Variants in ARHGEF19 observed in about 807,000 individuals in gnomAD.
ARHGEF19 encodes Rho guanine nucleotide exchange factor 19, also known as Rho guanine nucleotide exchange factor (GEF) 19.
A neutral mutation model predicts 87.6 loss-of-function variants in ARHGEF19; 92 were observed. The ratio of observed to expected loss-of-function variants is 1.05; its 90% CI spans 0.89 to 1.25. The LOEUF (loss-of-function observed/expected upper bound fraction) is 1.25, where lower values mean the gene tolerates loss of function less well. ARHGEF19 is among the 50% of genes most tolerant of loss of function. The pLI is 0.00. For synonymous variants in ARHGEF19, 438 were observed against 446.2 expected (o/e 0.98, Z 0.23); for missense variants, 1,054 against 1,051.8 (o/e 1.00, Z -0.03).
At position 16,208,315 on chromosome 1, in the gene ARHGEF19, G is replaced by C. The variant is rs985288908; in HGVS notation, c.413-90C>G. ...GCCCCTGGCCCTGAGCACCTGGGGA[G>C]GTTCAGGCACCATGCCCAAGGGAAG... On this transcript the variant is annotated intron_variant, in intron 2 of 15. Transcript: ENST00000270747. The C allele has an allele frequency of 1.6e-4, 226 of 1,449,822 alleles. 1 individual carries two copies. Among genetic ancestry groups the C allele is most frequent in the Admixed American group, 2.0e-4 (9 of 45,340 alleles). The allele number at this position is 1,449,822 out of a possible 1,614,324, so 89.8% of individuals were successfully genotyped here.
rs752174946 is a variant in ARHGEF19, at chr1:16,208,212, C to G, written c.426G>C (p.Arg142=). 6.8e-6 allele frequency: 11 copies of G among 1,612,482 alleles called. No homozygotes were observed. The highest frequency in any genetic ancestry group is 8.5e-6 in the Non-Finnish European group (10 of 1,179,266). The stretch of plus-strand genomic sequence containing the variant: ...CGGGGACCTCTTCACGCTGGTACAC[C>G]CGCATCTTGCGCCCTAGGGTTGGGG... ...SEKKSAWRKM[R]VYQREEVPGC... Residue 142 remains arginine, a synonymous_variant, in exon 3 of 16, where the codon CGG becomes CGC. Coordinates refer to ENST00000270747, the MANE Select transcript of ARHGEF19 (RefSeq NM_153213.5).
rs2081118160 is a variant in ARHGEF19 at position 16,205,308 on chromosome 1, G to GT, written c.1656+42_1656+43insA. ...TTTAGAGACGTGCTGGGGGTCCAGG[G>GT]GGGGCCTCAGGAGCCAAGCAGCCCC... On this transcript the variant is annotated intron_variant, in intron 10 of 15. Coordinates refer to ENST00000270747, the MANE Select transcript of ARHGEF19 (RefSeq NM_153213.5). The surrounding 1 kb of genome is among the most constrained non-coding windows in gnomAD (Gnocchi z 5.8). 6.2e-7 allele frequency: 1 copy of GT among 1,612,700 alleles called. No homozygotes were observed. The highest frequency in any genetic ancestry group is 2.2e-5 in the East Asian group (1 of 44,874).
chr1:16,205,898 C>A lies in ARHGEF19; in HGVS notation c.1451+33G>T. 1.9e-6 allele frequency: 3 copies of A among 1,577,918 alleles called. No homozygotes were observed. Among genetic ancestry groups the A allele is most frequent in the Non-Finnish European group, 2.6e-6 (3 of 1,161,642 alleles). On this transcript the variant is annotated intron_variant, in intron 8 of 15. Coordinates refer to ENST00000270747, the MANE Select transcript of ARHGEF19 (RefSeq NM_153213.5). The surrounding 1 kb of genome is among the most constrained non-coding windows in gnomAD (Gnocchi z 5.8). ...CTACACCTGCCTGAGACTCCCTCCA[C>A]GCCCCCGCCCCTTTCAGAGCCCCCA... is the stretch of plus-strand genomic sequence containing the variant.
Position 16,198,642 on chromosome 1 carries a change from C to A in ARHGEF19, c.2354G>T (p.Arg785Leu), listed in dbSNP as rs937107285. 6.2e-7 allele frequency: 1 copy of A among 1,613,740 alleles called. No homozygotes were observed. The highest frequency in any genetic ancestry group is 1.3e-5 in the African/African-American group (1 of 75,024). Residue 785 changes from arginine to leucine, a missense_variant, in exon 16 of 16, where the codon CGG (arginine) becomes CTG (leucine). Arg to Leu is a moderately radical substitution (Grantham distance 102). Coordinates refer to ENST00000270747, the MANE Select transcript of ARHGEF19 (RefSeq NM_153213.5). The surrounding 1 kb of genome is among the most constrained non-coding windows in gnomAD (Gnocchi z 4.1). ...SSLSARLRNL[R>L]ENKRVTSATS... ...GGCACTTGTGACTCGCTTATTCTCC[C>A]GGAGGTTTCGGAGGCGGGCGCTGAG... is the stretch of plus-strand genomic sequence containing the variant.
chr1:16,200,807 A>G (rs1331771109), intron 14 of ARHGEF19, among the ~76,000 whole-genome samples: 1 of 151,470 alleles, frequency 6.6e-6, no homozygotes, highest in Non-Finnish European at 1.5e-5. Flanking sequence ...AGGCTAAGGC[A>G]TAAGAATCAC....
chr1:16,205,483 C>G lies in ARHGEF19; in HGVS notation c.1581+55G>C. On this transcript the variant is annotated intron_variant, in intron 9 of 15. Transcript: ENST00000270747. This position sits in a 1 kb window ranked among gnomAD's most constrained non-coding sequence, Gnocchi z 5.8. ...CTCATACTCCCGAGACCCGGCCCGC[C>G]CACAGGTGTATCTCCCTCGCCCAGC... 1 of 1,612,902 alleles carries G rather than the reference C, an allele frequency of 6.2e-7. No homozygotes were observed. The highest frequency in any genetic ancestry group is 8.5e-7 in the Non-Finnish European group (1 of 1,179,638).
chr1:16,205,340 G>A lies in ARHGEF19; in HGVS notation c.1656+11C>T. On this transcript the variant is annotated intron_variant, in intron 10 of 15. Coordinates refer to ENST00000270747, the MANE Select transcript of ARHGEF19 (RefSeq NM_153213.5). This position sits in a 1 kb window ranked among gnomAD's most constrained non-coding sequence, Gnocchi z 5.8. ...TCAGGAGCCAAGCAGCCCCTGCCCT[G>A]CCCAGCTCACCTCCTTGAGCGCATT... The A allele has an allele frequency of 6.2e-7, 1 of 1,613,890 alleles. No homozygotes were observed. The highest frequency in any genetic ancestry group is 1.1e-5 in the South Asian group (1 of 91,074).
At position 16,207,614 on chromosome 1, in the gene ARHGEF19, C is replaced by T; in HGVS notation, c.798-16G>A. On this transcript the variant is annotated splice_polypyrimidine_tract_variant and intron_variant, in intron 4 of 15. Transcript: ENST00000270747. The surrounding 1 kb of genome is among the most constrained non-coding windows in gnomAD (Gnocchi z 4.0). ...TGTGTCTAGCCTAGGAAAGAGAGAG[C>T]GTCACGGCCCTAGTTCGCCTGCACC... 3 of 1,613,966 alleles carry T rather than the reference C, an allele frequency of 1.9e-6. No individual in the cohort carries two copies. Among genetic ancestry groups the T allele is most frequent in the Non-Finnish European group, 2.5e-6 (3 of 1,179,980 alleles).
Position 16,207,082 on chromosome 1 carries a change from G to C in ARHGEF19, c.1003C>G (p.Leu335Val). ...EEGPGPPRAN[L>V]SPSSSFRAQR... ...GCCCGGAAGGAGCTGCTGGGGGAGA[G>C]GTTGGCCCGCGGCGGCCCCGGCCCC... Residue 335 changes from leucine (L) to valine (V), a missense_variant, in exon 6 of 16, where the codon CTC (leucine) becomes GTC (valine). Transcript: ENST00000270747. This position sits in a 1 kb window ranked among gnomAD's most constrained non-coding sequence, Gnocchi z 4.0. 1.3e-6 allele frequency: 2 copies of C among 1,509,100 alleles called. No homozygotes were observed. The highest frequency in any genetic ancestry group is 2.5e-5 in the South Asian group (2 of 80,000). The allele number at this position is 1,509,100 out of a possible 1,614,324, so 93.5% of individuals were successfully genotyped here.
At position 16,207,765 on chromosome 1, in the gene ARHGEF19, C is replaced by G. The variant is rs1247751479; in HGVS notation, c.707G>C (p.Gly236Ala). Residue 236 changes from glycine to alanine, a missense_variant, in exon 4 of 16, where the codon GGA becomes GCA. Gly to Ala is a moderately conservative substitution (Grantham distance 60). Coordinates refer to ENST00000270747, the MANE Select transcript of ARHGEF19 (RefSeq NM_153213.5). This position sits in a 1 kb window ranked among gnomAD's most constrained non-coding sequence, Gnocchi z 4.0. ...TGAAREGKAS[G>A]MEARSVEMSG... ...CATCTCTACACTTCGAGCCTCCATT[C>G]CAGATGCTTTCCCTGGAGAGGGCGA... is the stretch of plus-strand genomic sequence containing the variant. 6.2e-7 allele frequency: 1 copy of G among 1,613,898 alleles called. No homozygotes were observed. The highest frequency in any genetic ancestry group is 8.5e-7 in the Non-Finnish European group (1 of 1,180,044).
chr1:16,199,169 C>T lies in ARHGEF19; in HGVS notation c.2232G>A (p.Val744=). The T allele has an allele frequency of 6.2e-7, 1 of 1,614,066 alleles. No homozygotes were observed. Among genetic ancestry groups the T allele is most frequent in the South Asian group, 1.1e-5 (1 of 91,078 alleles). ...CCTCACCGTCACTGGTCCAGGTCCT[C>T]ACTGACAGGATGTCAGTCTTCTCCA... The part of the protein sequence containing the change: ...LTLEKTDILS[V]RTWTSDGWLE... The change falls in exon 15 of 16, where the codon GTG becomes GTA. Residue 744 remains valine, a synonymous_variant. Coordinates refer to ENST00000270747, the MANE Select transcript of ARHGEF19 (RefSeq NM_153213.5).
rs746547420 is a variant in ARHGEF19, at chr1:16,208,258, CT to C, written c.413-34del. The C allele has an allele frequency of 1.9e-6, 3 of 1,597,694 alleles. No individual in the cohort carries two copies. The Admixed American group carries it at 5.0e-5, about 27-fold the overall frequency. ...TGGGGGCAAGGAGTGAGAGCACGGG[CT>C]GGGGTCTCCCCCAACCTCCTCCCTG... On this transcript the variant is annotated intron_variant, in intron 2 of 15. Transcript: ENST00000270747.
At position 16,207,127 on chromosome 1, in the gene ARHGEF19, C is replaced by T. The variant is rs948621558; in HGVS notation, c.958G>A (p.Glu320Lys). Residue 320 changes from glutamate to lysine, a missense_variant, in exon 6 of 16, where the codon GAG (glutamate) becomes AAG (lysine). Glu to Lys is a moderately conservative substitution (Grantham distance 56). Transcript: ENST00000270747. This position sits in a 1 kb window ranked among gnomAD's most constrained non-coding sequence, Gnocchi z 4.0. ...GGCCCCTCCTCTGCGCCCTCGGCCT[C>T]GTCCCCCGGGCCCTCCTCCTCGCGC... is the stretch of plus-strand genomic sequence containing the variant. ...QQREEEGPGDEAEGAEEGPGP... is the reference protein window; with the variant it reads ...QQREEEGPGDKAEGAEEGPGP... 13 of 1,521,052 alleles carry T rather than the reference C, an allele frequency of 8.5e-6. No homozygotes were observed. The South Asian group carries it at 1.1e-4, about 13-fold the overall frequency. 94.2% of individuals were successfully genotyped at this position (1,521,052 alleles called of 1,614,324 possible).
Position 16,207,792 on chromosome 1 carries a change from A to C in ARHGEF19, c.695-15T>G. ...AGATGCTTTCCCTGGAGAGGGCGAGAACTGAGGGTGGGGGGTCCAGAGAGT... is the reference window on the plus strand; with the variant it reads ...AGATGCTTTCCCTGGAGAGGGCGAGCACTGAGGGTGGGGGGTCCAGAGAGT... On this transcript the variant is annotated splice_polypyrimidine_tract_variant and intron_variant, in intron 3 of 15. Coordinates refer to ENST00000270747, the MANE Select transcript of ARHGEF19 (RefSeq NM_153213.5). The surrounding 1 kb of genome is among the most constrained non-coding windows in gnomAD (Gnocchi z 4.0). The C allele has an allele frequency of 6.2e-7, 1 of 1,612,788 alleles. No homozygotes were observed.
intron 14 of ARHGEF19, among the ~76,000 whole-genome samples, chr1:16,200,190 A>G (rs2100261611): frequency 6.6e-6 from 1 of 152,316 alleles, no homozygotes; most frequent in Non-Finnish European, 1.5e-5. Flanking sequence ...AAAGCCACAG[A>G]CTGAGGGGCC....
chr1:16,208,361 T>C, intron 2 of ARHGEF19, 136 bp from the exon 3 acceptor site: 2 of 1,208,154 alleles, frequency 1.7e-6, no homozygotes, highest in East Asian at 2.6e-5. Context: ...TCTGCTAGCA[T>C]CTGGTCCCCA....
rs1237248880 is a variant in ARHGEF19 at position 16,206,604 on chromosome 1, G to A, written c.1138-264C>T. 4 of 244,742 alleles carry A rather than the reference G, an allele frequency of 1.6e-5. No individual in the cohort carries two copies. The highest frequency in any genetic ancestry group is 2.8e-5 in the Non-Finnish European group (4 of 141,824). 15.2% of individuals were successfully genotyped at this position (244,742 alleles called of 1,614,324 possible). On this transcript the variant is annotated intron_variant, in intron 6 of 15. Transcript: ENST00000270747. The surrounding 1 kb of genome is among the most constrained non-coding windows in gnomAD (Gnocchi z 4.6). Reference sequence around the variant, plus strand: ...GAGCCCCGCCCACCCCCCAGGTCCCGCCCCTGATCCTGGCCCCGCCTTGTT... The same window carrying A: ...GAGCCCCGCCCACCCCCCAGGTCCCACCCCTGATCCTGGCCCCGCCTTGTT...
chr1:16,206,316 C>T lies in ARHGEF19; in HGVS notation c.1162G>A (p.Glu388Lys). ...QEAKFELITSEASYIHSLSVA... is the reference protein window; with the variant it reads ...QEAKFELITSKASYIHSLSVA... Reference sequence around the variant, plus strand: ...GACAGGCTGTGGATGTAGGAGGCCTCGGAGGTGATCAGCTCAAACTTGGCC... The same window carrying T: ...GACAGGCTGTGGATGTAGGAGGCCTTGGAGGTGATCAGCTCAAACTTGGCC... The change falls in exon 7 of 16, where the codon GAG becomes AAG. Residue 388 changes from glutamate (E) to lysine (K), a missense_variant. By Grantham distance (56) the Glu-to-Lys change is moderately conservative. Transcript: ENST00000270747. This position sits in a 1 kb window ranked among gnomAD's most constrained non-coding sequence, Gnocchi z 4.6. 1.3e-6 allele frequency: 2 copies of T among 1,579,964 alleles called. No individual in the cohort carries two copies. Among genetic ancestry groups the T allele is most frequent in the Non-Finnish European group, 1.7e-6 (2 of 1,163,486 alleles).
chr1:16,209,808 C>T (rs1034705579), intron 1 of ARHGEF19, among the ~76,000 whole-genome samples: 1 of 152,248 alleles, frequency 6.6e-6, no homozygotes, highest in African/African-American at 2.4e-5. Flanking sequence ...CCCAGAGTTG[C>T]GGCCTTCAGT....
Sources: gnomAD v4.1 joint callset for allele counts (sites outside exome capture counted in the v4.1 genomes callset) on GRCh38, gnomAD v4.1.1 for gene constraint, Gnocchi (gnomAD v3.1) non-coding constraint, MANE v1.5 for transcripts, NCBI Gene and HGNC (gene_info 2026-07-23, HGNC 2026-07-21) for gene names.